Variants in FAM20C observed in about 807,000 individuals in gnomAD.
The protein encoded by FAM20C is FAM20C golgi associated secretory pathway kinase.
Under a neutral mutation model 51.5 loss-of-function variants are expected in FAM20C, and 40 were observed. The observed-to-expected ratio is 0.78, with a 90% CI of 0.60 to 1.01. FAM20C has a LOEUF of 1.01. Among genes scored for constraint, FAM20C ranks in the 50% least tolerant of loss-of-function variants. FAM20C has a pLI of 0.00. For missense variants in FAM20C, 861 were observed against 844.7 expected, an observed-to-expected ratio of 1.02 and a Z score of -0.24; for synonymous variants, 406 against 380.6, an observed-to-expected ratio of 1.07 and a Z score of -0.78.
chr7:258,124 G>A (rs868013986), intron 8 of FAM20C, among the ~76,000 whole-genome samples: 159 of 138,806 alleles, frequency 1.1e-3, no homozygotes, highest in Non-Finnish European at 1.5e-3. Flanking sequence ...TTGGAGATAG[G>A]CGGGGTGGAC....
chr7:253,396 G>A (rs187852124), intron 5 of FAM20C, among the ~76,000 whole-genome samples: 166 of 152,342 alleles, frequency 1.1e-3, no homozygotes, highest in African/African-American at 1.6e-3. Context: ...GCCTGTCTGC[G>A]CTCTCCGGGA....
intron 2 of FAM20C, among the ~76,000 whole-genome samples, chr7:195,939 C>T (rs1163629881): frequency 2.0e-5 from 3 of 152,202 alleles, no homozygotes; most frequent in Non-Finnish European, 2.9e-5. Flanking sequence ...CCTGATCTGC[C>T]GCACGATGAG....
chr7:235,539 G>A (rs1787821769), intron 3 of FAM20C, among the ~76,000 whole-genome samples: 1 of 152,228 alleles, frequency 6.6e-6, no homozygotes, highest in East Asian at 1.9e-4. Flanking sequence ...CGAATGTGAT[G>A]TTTTGTTTAT....
chr7:242,104 G>A (rs1405939507), intron 3 of FAM20C, among the ~76,000 whole-genome samples: 1 of 152,152 alleles, frequency 6.6e-6, no homozygotes, highest in Non-Finnish European at 1.5e-5. Context: ...AGCTCTGCGG[G>A]GACATCCCAT....
chr7:210,851 C>T (rs1469668866), intron 3 of FAM20C, among the ~76,000 whole-genome samples: 2 of 152,116 alleles, frequency 1.3e-5, no homozygotes, highest in Non-Finnish European at 2.9e-5. Context: ...TTTACCGAGC[C>T]GCTGCTCTAA....
intron 5 of FAM20C, among the ~76,000 whole-genome samples, chr7:255,596 A>T (rs1296606243): frequency 1.3e-5 from 2 of 152,206 alleles, no homozygotes; most frequent in Admixed American, 6.5e-5. Flanking sequence ...TCCATAGACC[A>T]GCCCCTGATT....
intron 5 of FAM20C, among the ~76,000 whole-genome samples, chr7:248,846 G>A (rs1215681617): frequency 6.6e-6 from 1 of 150,928 alleles, no homozygotes; most frequent in Non-Finnish European, 1.5e-5. Context: ...CTGGCACGGG[G>A]GCCCGCATTC....
intron 2 of FAM20C, among the ~76,000 whole-genome samples, chr7:207,359 G>C (rs112435879): frequency 1.8e-4 from 19 of 103,516 alleles, no homozygotes; most frequent in East Asian, 7.0e-4. Flanking sequence ...TCCACTGTGA[G>C]GCGTCGGTCA....
intron 8 of FAM20C, among the ~76,000 whole-genome samples, chr7:257,785 G>A (rs868540115): frequency 1.6e-4 from 20 of 124,642 alleles, no homozygotes; most frequent in African/African-American, 3.1e-4. Flanking sequence ...ACTGCCCGGG[G>A]TGCTGGAGAT....
chr7:198,080 C>A (rs916851080), intron 2 of FAM20C, among the ~76,000 whole-genome samples: 1 of 152,194 alleles, frequency 6.6e-6, no homozygotes, highest in East Asian at 1.9e-4. Flanking sequence ...CCCAGCTGAT[C>A]TCGCTCGCTC....
chr7:203,655 C>T (rs1786227155), intron 2 of FAM20C, among the ~76,000 whole-genome samples: 1 of 152,242 alleles, frequency 6.6e-6, no homozygotes, highest in Non-Finnish European at 1.5e-5. Context: ...GCCGAGTCCT[C>T]AGTCGCTGTG....
chr7:249,427 A>G (rs1354188343), intron 5 of FAM20C, among the ~76,000 whole-genome samples: 4 of 152,236 alleles, frequency 2.6e-5, no homozygotes, highest in Admixed American at 2.6e-4. Flanking sequence ...CTACTTAATT[A>G]TCTACCCAGG....
At chr7:206,644 GT>G (rs1786411696) in intron 2 of FAM20C, among the ~76,000 whole-genome samples, 1 of 102,472 alleles carries the variant, frequency 9.8e-6, no homozygotes, top group African/African-American at 4.5e-5. Flanking sequence ...CCGCACACGT[GT>G]CCACTGTGAC....
chr7:211,626 G>A (rs1786718239), intron 3 of FAM20C, among the ~76,000 whole-genome samples: 2 of 152,338 alleles, frequency 1.3e-5, no homozygotes, highest in East Asian at 1.9e-4. Flanking sequence ...GGCCGAGGCT[G>A]CTGACGGATG....
At chr7:226,962 C>T (rs973940341) in intron 3 of FAM20C, among the ~76,000 whole-genome samples, 2 of 152,136 alleles carry the variant, frequency 1.3e-5, no homozygotes, top group Admixed American at 1.3e-4. Context: ...TGAGGCCCGT[C>T]CCTGCAGCCG....
In FAM20C at chr7:253,894, G is replaced by A. The variant is rs966021011; in HGVS notation, c.1073-1955G>A. Among the ~76,000 whole-genome samples, 13 of 152,228 alleles carry A rather than the reference G, an allele frequency of 8.5e-5. 1 individual carries two copies. Among genetic ancestry groups the A allele is most frequent in the African/African-American group, 2.7e-4 (11 of 41,458 alleles). On this transcript the variant is annotated intron_variant, in intron 5 of 9. Transcript: ENST00000313766. ...AATTTTAAGCCTCCAGCCAATGAGC[G>A]CTCAGATGAAGATTTTCCTCCTGAA... is the stretch of plus-strand genomic sequence containing the variant.
At chr7:245,103 A>G (rs919594328) in intron 3 of FAM20C, among the ~76,000 whole-genome samples, 1 of 152,204 alleles carries the variant, frequency 6.6e-6, no homozygotes, top group Non-Finnish European at 1.5e-5. Flanking sequence ...CAGGGCCAGG[A>G]TGCTCCCAGG....
At chr7:206,243 C>T (rs1382915545) in intron 2 of FAM20C, among the ~76,000 whole-genome samples, 1 of 152,202 alleles carries the variant, frequency 6.6e-6, no homozygotes, top group Admixed American at 6.5e-5. Context: ...CCATCTTCCT[C>T]CAAACCACCA....
chr7:229,013 G>C, intron 3 of FAM20C: 1 of 358,936 alleles, frequency 2.8e-6, no homozygotes, highest in Non-Finnish European at 5.6e-6. Context: ...GCCACACCCT[G>C]CCCCACCCAC....
Sources: allele counts gnomAD v4.1 joint callset (sites outside exome capture counted in the v4.1 genomes callset), GRCh38; gene constraint gnomAD v4.1.1; transcripts MANE v1.5; gene names NCBI Gene and HGNC (gene_info 2026-07-23, HGNC 2026-07-21).